Variants in VPS53 observed in about 807,000 individuals in gnomAD.
VPS53 encodes the protein VPS53 subunit of GARP complex.
In VPS53, 70 loss-of-function variants were observed where a neutral mutation model predicts 107.0. The ratio of observed to expected loss-of-function variants is 0.65; its 90% CI spans 0.54 to 0.80. The LOEUF is 0.80. VPS53 is among the 30% of genes least tolerant of loss of function. The pLI is 0.00. For missense variants in VPS53, 917 were observed against 1,049.4 expected (o/e 0.87, Z 1.74); for synonymous variants, 409 against 393.3 (o/e 1.04, Z -0.47).
chr17:567,405 A>G (rs1913624183), intron 13 of VPS53, among the ~76,000 whole-genome samples: 1 of 152,210 alleles, frequency 6.6e-6, no homozygotes, highest in Non-Finnish European at 1.5e-5. Context: ...TTAGAAAATC[A>G]GTAGCCAGTA....
chr17:585,631 GA>G (rs1297399927), intron 13 of VPS53, among the ~76,000 whole-genome samples: 1 of 152,076 alleles, frequency 6.6e-6, no homozygotes, highest in Non-Finnish European at 1.5e-5. Flanking sequence ...GACAGCGTGA[GA>G]CTCTGTCTCA....
At chr17:525,703 G>C (rs1272148725) in intron 19 of VPS53, among the ~76,000 whole-genome samples, 2 of 142,798 alleles carry the variant, frequency 1.4e-5, no homozygotes, top group African/African-American at 5.1e-5. Flanking sequence ...CTTAAGAAAA[G>C]AAAAAAAAAA....
At chr17:610,774 C>CA (rs1356511785) in intron 11 of VPS53, among the ~76,000 whole-genome samples, 2 of 134,450 alleles carry the variant, frequency 1.5e-5, no homozygotes, top group Non-Finnish European at 3.2e-5. Flanking sequence ...AAAAAAAATA[C>CA]AAAAAATACA....
intron 1 of VPS53, among the ~76,000 whole-genome samples, chr17:712,143 G>A (rs908832183): frequency 6.7e-5 from 10 of 149,364 alleles, no homozygotes; most frequent in Non-Finnish European, 1.3e-4. Flanking sequence ...GAACTTCAGG[G>A]CAGAGTGATT....
At chr17:534,019 T>C (rs562079687) in intron 18 of VPS53, among the ~76,000 whole-genome samples, 4 of 152,188 alleles carry the variant, frequency 2.6e-5, no homozygotes, top group Non-Finnish European at 5.9e-5. Context: ...TTTGTATTTT[T>C]AGTAGAGATA....
rs117244016 is a variant in VPS53, at chr17:706,570, T to C, written c.168+3963A>G. On this transcript the variant is annotated intron_variant, in intron 2 of 21. Transcript: ENST00000437048. ...AAAAAAAAATTACACAAGCAAGTCATTGTAACATCATAATTTACCTATAAT... is the reference window on the plus strand; with the variant it reads ...AAAAAAAAATTACACAAGCAAGTCACTGTAACATCATAATTTACCTATAAT... Among the ~76,000 whole-genome samples the C allele has an allele frequency of 9.5e-3, 1,451 of 152,144 alleles. 6 individuals carry two copies. Among genetic ancestry groups the C allele is most frequent in the Non-Finnish European group, 0.015 (1,048 of 67,970 alleles).
rs74725371 is a variant in VPS53 at position 651,611 on chromosome 17, T to C, written c.608+1680A>G. Among the ~76,000 whole-genome samples the C allele has an allele frequency of 0.014, 2,115 of 152,312 alleles. 137 individuals carry two copies. The East Asian group carries it at 0.22, about 16-fold the overall frequency. ...GTCTCTATTTTTTAAAGTCTATGTG[T>C]ATTACTTATATAATTACAAATAAGG... On this transcript the variant is annotated intron_variant, in intron 7 of 21. Coordinates refer to ENST00000437048, the MANE Select transcript of VPS53 (RefSeq NM_001128159.3).
chr17:531,773 C>CTTTTTT (rs71145747), intron 19 of VPS53, among the ~76,000 whole-genome samples: 35 of 86,674 alleles, frequency 4.0e-4, no homozygotes, highest in African/African-American at 5.5e-4. Context: ...GGGATTTATT[C>CTTTTTT]TTTTTTTTTT....
intron 6 of VPS53, among the ~76,000 whole-genome samples, chr17:655,294 G>A (rs1971141286): frequency 2.7e-5 from 2 of 75,346 alleles, no homozygotes; most frequent in South Asian, 8.5e-4. Context: ...CCCTCTACAA[G>A]CCAAACGGAA....
At chr17:531,632 G>A (rs1433661215) in intron 19 of VPS53, among the ~76,000 whole-genome samples, 1 of 151,992 alleles carries the variant, frequency 6.6e-6, no homozygotes, top group Non-Finnish European at 1.5e-5. Flanking sequence ...CTGAGCAGCT[G>A]GGACTACAGG....
chr17:711,839 C>G (rs986729615), intron 1 of VPS53, among the ~76,000 whole-genome samples: 2 of 143,320 alleles, frequency 1.4e-5, no homozygotes, highest in African/African-American at 5.2e-5. Flanking sequence ...TTTTTTGACA[C>G]GGAGTCTCGC....
rs144652124 is a variant in VPS53 at position 639,699 on chromosome 17, G to A, written c.609-8071C>T. Among the ~76,000 whole-genome samples, 456 of 152,342 alleles carry A rather than the reference G, an allele frequency of 3.0e-3. 5 individuals are homozygous for A. The highest frequency in any genetic ancestry group is 0.01 in the African/African-American group (433 of 41,578). On this transcript the variant is annotated intron_variant, in intron 7 of 21. Coordinates refer to ENST00000437048, the MANE Select transcript of VPS53 (RefSeq NM_001128159.3). ...GGTCCACTCCAGATGCTGTTTGCCT[G>A]GGTATCAGCAGCGGAGGCTGCAGAA...
intron 17 of VPS53, among the ~76,000 whole-genome samples, chr17:546,832 A>G (rs970070580): frequency 2.0e-5 from 3 of 150,450 alleles, no homozygotes; most frequent in Non-Finnish European, 2.9e-5. Context: ...AATTGACCAT[A>G]CGGCTCTTTC....
At chr17:552,340 A>G (rs1325408791) in intron 16 of VPS53, among the ~76,000 whole-genome samples, 1 of 151,944 alleles carries the variant, frequency 6.6e-6, no homozygotes, top group Non-Finnish European at 1.5e-5. Context: ...GAAAGCTGAG[A>G]ATTTTGATTC....
At chr17:525,526 A>G (rs527968046) in intron 19 of VPS53, among the ~76,000 whole-genome samples, 120 of 152,018 alleles carry the variant, frequency 7.9e-4, no homozygotes, top group African/African-American at 2.8e-3. Context: ...TTGTCTCTAC[A>G]AAAACAAAAA....
At chr17:681,023 C>A (rs1458863739) in intron 4 of VPS53, among the ~76,000 whole-genome samples, 1 of 152,116 alleles carries the variant, frequency 6.6e-6, no homozygotes, top group African/African-American at 2.4e-5. Context: ...ATCTGTTAAT[C>A]CATTTAAACA....
chr17:626,130 G>A (rs572033642), intron 10 of VPS53, among the ~76,000 whole-genome samples: 107 of 151,916 alleles, frequency 7.0e-4, no homozygotes, highest in Non-Finnish European at 1.4e-3. Context: ...AATCACTTGA[G>A]CCTAGGAGGT....
In VPS53 at chr17:601,878, G is replaced by A; in HGVS notation, c.1135C>T (p.Pro379Ser). ...TCCAGGAAGGGATTGGTAGATGGGG[G>A]TGGAGACTCAAGCTTTTTCTGTTAG... ...DGTLKKLESP[P>S]PSTNPFLEDE... Residue 379 changes from proline (P) to serine (S), a missense_variant, in exon 12 of 22, where the codon CCC (proline) becomes TCC (serine). Pro to Ser is a moderately conservative substitution (Grantham distance 74). Coordinates refer to ENST00000437048, the MANE Select transcript of VPS53 (RefSeq NM_001128159.3). The A allele has an allele frequency of 6.3e-7, 1 of 1,589,670 alleles. No individual in the cohort carries two copies. The highest frequency in any genetic ancestry group is 8.6e-7 in the Non-Finnish European group (1 of 1,167,486).
intron 12 of VPS53, among the ~76,000 whole-genome samples, chr17:591,794 C>G (rs898937121): frequency 6.6e-6 from 1 of 152,040 alleles, no homozygotes; most frequent in African/African-American, 2.4e-5. Flanking sequence ...TTACTTCCAA[C>G]TATGTGGTCA....
Sources: gnomAD v4.1 joint callset for allele counts (sites outside exome capture counted in the v4.1 genomes callset) on GRCh38, gnomAD v4.1.1 for gene constraint, MANE v1.5 for transcripts, NCBI Gene and HGNC (gene_info 2026-07-23, HGNC 2026-07-21) for gene names.